Variants in CDYL observed in about 807,000 individuals in gnomAD.
CDYL encodes the protein chromodomain Y like.
Under a neutral mutation model 47.3 loss-of-function variants are expected in CDYL, and 8 were observed. That is an observed-to-expected ratio of 0.17 (90% CI 0.10 to 0.31). The LOEUF (loss-of-function observed/expected upper bound fraction) is 0.31, where lower values mean the gene tolerates loss of function less well. Ranked by LOEUF, CDYL falls within the 10% of genes least tolerant of loss-of-function variation. The probability of loss-of-function intolerance (pLI) is 1.00; values close to 1 mark genes in which losing one functional copy is unlikely to be tolerated. For synonymous variants in CDYL, 266 were observed against 265.0 expected (o/e 1.00, Z -0.04); for missense variants, 471 against 701.4 (o/e 0.67, Z 3.71).
chr6:4,716,737 A>T (rs1053413760), intron 2 of CDYL, among the ~76,000 whole-genome samples: 1 of 152,082 alleles, frequency 6.6e-6, no homozygotes, highest in Non-Finnish European at 1.5e-5. Flanking sequence ...CAACCTGAAG[A>T]AGTCATCTGT....
chr6:4,870,361 A>G (rs1761438990), intron 1 of CDYL, among the ~76,000 whole-genome samples: 1 of 152,192 alleles, frequency 6.6e-6, no homozygotes, highest in African/African-American at 2.4e-5. Context: ...TCTGATGAAG[A>G]GTCAGCCATT....
At chr6:4,767,889 C>A (rs1040682768) in intron 3 of CDYL, among the ~76,000 whole-genome samples, 2 of 152,194 alleles carry the variant, frequency 1.3e-5, no homozygotes, top group African/African-American at 4.8e-5. Context: ...GTAAAAACAT[C>A]AAATTTAATG....
chr6:4,766,943 C>A (rs1483508068), intron 3 of CDYL, among the ~76,000 whole-genome samples: 1 of 151,894 alleles, frequency 6.6e-6, no homozygotes, highest in Non-Finnish European at 1.5e-5. Flanking sequence ...GTTGAGGCTG[C>A]AGTACACAAG....
intron 2 of CDYL, among the ~76,000 whole-genome samples, chr6:4,906,927 T>C (rs1259728216): frequency 6.6e-6 from 1 of 152,232 alleles, no homozygotes; most frequent in Non-Finnish European, 1.5e-5. Context: ...AATCACTGTT[T>C]ACAGAAATTT....
chr6:4,909,390 T>C (rs185601762), intron 2 of CDYL, among the ~76,000 whole-genome samples: 17 of 152,318 alleles, frequency 1.1e-4, no homozygotes, highest in Non-Finnish European at 2.5e-4. Context: ...ATCCTTATTA[T>C]CAGCTCTGCT....
At chr6:4,880,789 G>A (rs539071884) in intron 1 of CDYL, among the ~76,000 whole-genome samples, 2 of 152,316 alleles carry the variant, frequency 1.3e-5, no homozygotes, top group East Asian at 1.9e-4. Context: ...ATATTCTGTG[G>A]CACATCTTTT....
At chr6:4,712,264 C>G (rs1757164950) in intron 1 of CDYL, among the ~76,000 whole-genome samples, 2 of 152,158 alleles carry the variant, frequency 1.3e-5, no homozygotes. Context: ...AATTAGAATA[C>G]TGCACTCCAG....
intron 2 of CDYL, among the ~76,000 whole-genome samples, chr6:4,925,867 G>A (rs562395410): frequency 6.6e-6 from 1 of 152,260 alleles, no homozygotes; most frequent in African/African-American, 2.4e-5. Flanking sequence ...CTGTGAATAA[G>A]AATAGCCCGG....
intron 2 of CDYL, among the ~76,000 whole-genome samples, chr6:4,719,296 G>C (rs1757327418): frequency 6.6e-6 from 1 of 152,148 alleles, no homozygotes; most frequent in Admixed American, 6.5e-5. Context: ...ATGTATCTGG[G>C]TGTCTCTCCT....
At chr6:4,778,472 T>C (rs746009660) in intron 1 of CDYL, among the ~76,000 whole-genome samples, 5 of 152,226 alleles carry the variant, frequency 3.3e-5, no homozygotes, top group Non-Finnish European at 7.3e-5. Context: ...TAACAGAAGT[T>C]ATTAATGAGT....
At chr6:4,778,717 A>T (rs1441995157) in intron 1 of CDYL, among the ~76,000 whole-genome samples, 4 of 152,148 alleles carry the variant, frequency 2.6e-5, no homozygotes, top group Non-Finnish European at 5.9e-5. Context: ...CAGGTGATAA[A>T]TTTAAGTATG....
In CDYL at chr6:4,875,461, A is replaced by G. The variant is rs147881611; in HGVS notation, c.25-16252A>G. 4.2e-3 allele frequency among the ~76,000 whole-genome samples: 633 copies of G among 152,282 alleles called. 1 individual carries two copies. The highest frequency in any genetic ancestry group is 0.014 in the African/African-American group (595 of 41,552). Reference sequence around the variant, plus strand: ...ACTTATAAATATGGCATGTCGCCCAATTTATAGGTACTCTTTAATTTGTCT... The same window carrying G: ...ACTTATAAATATGGCATGTCGCCCAGTTTATAGGTACTCTTTAATTTGTCT... On this transcript the variant is annotated intron_variant, in intron 1 of 6. Transcript: ENST00000397588.
At chr6:4,768,278 C>G (rs1250351461) in intron 3 of CDYL, among the ~76,000 whole-genome samples, 1 of 152,190 alleles carries the variant, frequency 6.6e-6, no homozygotes, top group African/African-American at 2.4e-5. Flanking sequence ...CATCTAACAC[C>G]CAGAACTTGC....
At chr6:4,907,636 A>T (rs935407981) in intron 2 of CDYL, among the ~76,000 whole-genome samples, 1 of 152,218 alleles carries the variant, frequency 6.6e-6, no homozygotes, top group Non-Finnish European at 1.5e-5. Flanking sequence ...CAGCCTCCCA[A>T]AGTGCCTGTA....
chr6:4,935,777 A>G lies in CDYL; in HGVS notation c.948+6A>G, dbSNP rs1206621341. 1.9e-6 allele frequency: 3 copies of G among 1,613,128 alleles called. No homozygotes were observed. Among genetic ancestry groups the G allele is most frequent in the East Asian group, 2.2e-5 (1 of 44,864 alleles). ...ATAACTCACTAAATCCAGAGGTGAGAGGCGCTCTTGGGCTGGCGTGGGCTT... is the reference window on the plus strand; with the variant it reads ...ATAACTCACTAAATCCAGAGGTGAGGGGCGCTCTTGGGCTGGCGTGGGCTT... On this transcript the variant is annotated splice_donor_region_variant and intron_variant, in intron 3 of 6. Coordinates refer to ENST00000397588, the MANE Select transcript of CDYL (RefSeq NM_004824.4).
rs146169171 is a variant in CDYL, at chr6:4,875,765, C to G, written c.25-15948C>G. On this transcript the variant is annotated intron_variant, in intron 1 of 6. Transcript: ENST00000397588. Reference sequence around the variant, plus strand: ...TTTAATTATGAAAATTTTAAACATACAACTAAGTTGAAAAGTTATTCAGTG... The same window carrying G: ...TTTAATTATGAAAATTTTAAACATAGAACTAAGTTGAAAAGTTATTCAGTG... Among the ~76,000 whole-genome samples the G allele has an allele frequency of 2.1e-3, 325 of 152,144 alleles. 1 individual carries two copies. Among genetic ancestry groups the G allele is most frequent in the African/African-American group, 7.3e-3 (301 of 41,504 alleles).
At chr6:4,895,098 T>C (rs1762183705) in intron 2 of CDYL, among the ~76,000 whole-genome samples, 2 of 151,346 alleles carry the variant, frequency 1.3e-5, no homozygotes, top group Non-Finnish European at 3.0e-5. Flanking sequence ...TATGTACATG[T>C]GTGTATATGT....
chr6:4,725,561 G>C (rs6913737), intron 2 of CDYL, among the ~76,000 whole-genome samples: 1 of 152,148 alleles, frequency 6.6e-6, no homozygotes, highest in African/African-American at 2.4e-5. Flanking sequence ...CTCACTGCCC[G>C]GGGCTTGCTG....
rs1758247551 is a variant in CDYL at position 4,766,058 on chromosome 6, T to A, written c.186+31214T>A. ...AAAGAACAAGGAGAGAAATGATACG[T>A]ATTTTCAATAATTAAAATGGGAATA... On this transcript the variant is annotated intron_variant, in intron 3 of 8. Coordinates refer to the CDYL transcript ENST00000328908. 2.6e-5 allele frequency among the ~76,000 whole-genome samples: 4 copies of A among 152,200 alleles called. No individual in the cohort carries two copies. In the South Asian group the frequency reaches 8.3e-4, roughly 31 times the overall value.
Sources: allele counts gnomAD v4.1 joint callset (sites outside exome capture counted in the v4.1 genomes callset), GRCh38; gene constraint gnomAD v4.1.1; transcripts MANE v1.5; gene names NCBI Gene and HGNC (gene_info 2026-07-23, HGNC 2026-07-21).